ARHGAP28: variants seen among roughly 807,000 people sequenced by gnomAD.
The protein encoded by ARHGAP28 is Rho GTPase activating protein 28, also known as rho GTPase-activating protein 28.
A neutral mutation model predicts 90.7 loss-of-function variants in ARHGAP28; 56 were observed. The observed-to-expected ratio is 0.62, with a 90% confidence interval of 0.50 to 0.77. ARHGAP28 has a LOEUF of 0.77. Ranked by LOEUF, ARHGAP28 falls within the 30% of genes least tolerant of loss-of-function variation. The pLI is 0.00. For missense variants in ARHGAP28, 869 were observed against 900.9 expected (o/e 0.96, Z 0.45); for synonymous variants, 308 against 323.3 (o/e 0.95, Z 0.51).
chr18:6,751,422 C>G (rs61585215), intron 1 of ARHGAP28, among the ~76,000 whole-genome samples: 9,714 of 152,004 alleles, frequency 0.064, 998 homozygotes, highest in African/African-American at 0.21. Context: ...CATTGTGAGG[C>G]CATCGCTCTT....
chr18:6,887,869 G>A lies in ARHGAP28; in HGVS notation c.1536+630G>A, dbSNP rs1031805546. ...ATAGAACAATGTCATAAGTCAATAAGACCATTATGTAACTTGTAAAATAGA... is the reference window on the plus strand; with the variant it reads ...ATAGAACAATGTCATAAGTCAATAAAACCATTATGTAACTTGTAAAATAGA... On this transcript the variant is annotated intron_variant, in intron 12 of 17. Transcript: ENST00000383472. 4.6e-5 allele frequency among the ~76,000 whole-genome samples: 7 copies of A among 152,288 alleles called. No homozygotes were observed. The East Asian group carries it at 1.2e-3, about 25-fold the overall frequency.
intron 3 of ARHGAP28, among the ~76,000 whole-genome samples, chr18:6,841,208 C>CCTCTCTCTCTCT (rs369622522): frequency 1.4e-4 from 6 of 43,136 alleles, no homozygotes; most frequent in Admixed American, 5.7e-4. Flanking sequence ...TCTCTCCTCT[C>CCTCTCTCTCTCT]CTCTCTCTCT....
chr18:6,744,691 T>G (rs1248921087), intron 1 of ARHGAP28, among the ~76,000 whole-genome samples: 2 of 152,168 alleles, frequency 1.3e-5, no homozygotes, highest in South Asian at 2.1e-4. Context: ...GCTACCTAAG[T>G]CCAGATAATA....
intron 1 of ARHGAP28, among the ~76,000 whole-genome samples, chr18:6,817,165 T>C (rs957217061): frequency 6.7e-5 from 10 of 150,100 alleles, no homozygotes; most frequent in Admixed American, 1.3e-4. Context: ...AAAACAAAAA[T>C]TAGCTGGGCA....
At chr18:6,771,054 T>C (rs1007627443) in intron 1 of ARHGAP28, among the ~76,000 whole-genome samples, 10 of 152,108 alleles carry the variant, frequency 6.6e-5, no homozygotes, top group Non-Finnish European at 4.4e-5. Flanking sequence ...TTTTTATTTT[T>C]GAGACAGGGT....
intron 1 of ARHGAP28, among the ~76,000 whole-genome samples, chr18:6,737,129 A>G (rs1600139625): frequency 6.6e-6 from 1 of 152,346 alleles, no homozygotes; most frequent in East Asian, 1.9e-4. Context: ...GAAGAGGTAA[A>G]TGGAATGTTT....
intron 1 of ARHGAP28, among the ~76,000 whole-genome samples, chr18:6,751,524 CAT>C (rs889383086): frequency 6.6e-6 from 1 of 152,140 alleles, no homozygotes; most frequent in Non-Finnish European, 1.5e-5. Flanking sequence ...GATCAGAAAA[CAT>C]AATTTTAAAG....
intron 1 of ARHGAP28, among the ~76,000 whole-genome samples, chr18:6,752,804 C>G (rs572432131): frequency 6.6e-6 from 1 of 152,210 alleles, no homozygotes; most frequent in East Asian, 1.9e-4. Context: ...CTCTGACCAC[C>G]CCTGGTCACA....
rs1567977938 is a variant in ARHGAP28, at chr18:6,873,554, C to T, written c.1100C>T (p.Thr367Ile). The T allele has an allele frequency of 5.6e-6, 9 of 1,613,472 alleles. No individual in the cohort carries two copies. Among genetic ancestry groups the T allele is most frequent in the Non-Finnish European group, 7.6e-6 (9 of 1,179,902 alleles). The change falls in exon 8 of 18, where the codon ACA becomes ATA. Residue 367 changes from threonine (T) to isoleucine (I), a missense_variant. Physicochemically the swap from Thr to Ile is moderately conservative, Grantham distance 89. Transcript: ENST00000383472. ...GGAATTCAACTGAAAAGGAACAAAA[C>T]AGAGAAAGTAAAAGGACGAGGTAAC... ...AFGIQLKRNK[T>I]EKVKGRDNGI...
chr18:6,891,017 G>A (rs2143730328), intron 14 of ARHGAP28, among the ~76,000 whole-genome samples: 1 of 152,324 alleles, frequency 6.6e-6, no homozygotes, highest in African/African-American at 2.4e-5. Context: ...TATTTGTGTG[G>A]AGGCACATAA....
intron 7 of ARHGAP28, among the ~76,000 whole-genome samples, chr18:6,871,068 G>A (rs2057084285): frequency 6.6e-6 from 1 of 152,230 alleles, no homozygotes; most frequent in South Asian, 2.1e-4. Context: ...TCAAAGTGCT[G>A]GGATTACAGG....
chr18:6,857,625 C>T (rs924855829), intron 4 of ARHGAP28, among the ~76,000 whole-genome samples: 1 of 152,136 alleles, frequency 6.6e-6, no homozygotes, highest in African/African-American at 2.4e-5. Flanking sequence ...TTGTCCTCCT[C>T]CCCAGCCCCT....
intron 2 of ARHGAP28, among the ~76,000 whole-genome samples, chr18:6,829,356 C>G (rs953910336): frequency 2.6e-5 from 4 of 152,184 alleles, no homozygotes; most frequent in Non-Finnish European, 1.5e-5. Context: ...GTTTGTAACT[C>G]TCTTCTCCAA....
intron 1 of ARHGAP28, among the ~76,000 whole-genome samples, chr18:6,758,764 T>C (rs1270645234): frequency 6.6e-6 from 1 of 152,198 alleles, no homozygotes; most frequent in Non-Finnish European, 1.5e-5. Context: ...TTTATGGTAT[T>C]TATGATTTTT....
At chr18:6,741,620 T>C (rs1054834948) in intron 1 of ARHGAP28, among the ~76,000 whole-genome samples, 2 of 152,018 alleles carry the variant, frequency 1.3e-5, no homozygotes, top group African/African-American at 4.8e-5. Context: ...AAAGTTCTCA[T>C]TGTGGGAGTT....
At chr18:6,869,137 C>G (rs113698800) in intron 6 of ARHGAP28, among the ~76,000 whole-genome samples, 77 of 152,146 alleles carry the variant, frequency 5.1e-4, no homozygotes, top group African/African-American at 1.8e-3. Flanking sequence ...TTGCTGCTCT[C>G]CAAAGAGGCT....
intron 13 of ARHGAP28, 149 bp from the exon 14 acceptor site, chr18:6,890,281 A>G (rs1004290618): frequency 9.0e-6 from 7 of 777,760 alleles, no homozygotes; most frequent in Non-Finnish European, 1.4e-5. Context: ...GATCCACATA[A>G]TTTTTTCTAA....
chr18:6,874,276 A>G (rs1171944399), intron 9 of ARHGAP28, among the ~76,000 whole-genome samples: 1 of 152,230 alleles, frequency 6.6e-6, no homozygotes, highest in African/African-American at 2.4e-5. Context: ...AATAAAATCT[A>G]AAAACCAGCA....
Position 6,913,625 on chromosome 18 carries a change from C to G in ARHGAP28, c.*1471C>G, listed in dbSNP as rs918046334. ...ATTTGTAGAAGAAATCTTGTATATA[C>G]TATTATTACACCTTGATATCTATAC... On this transcript the variant is annotated 3_prime_UTR_variant, in exon 18 of 18. Transcript: ENST00000383472. The G allele has an allele frequency of 2.0e-5, 1 of 50,676 alleles. No homozygotes were observed. Among genetic ancestry groups the G allele is most frequent in the Non-Finnish European group, 5.7e-5 (1 of 17,692 alleles). The allele number at this position is 50,676 out of a possible 1,614,324, so 3.1% of individuals were successfully genotyped here. A position where few individuals can be genotyped will look rare whatever the true frequency, so the allele number is the denominator to read the frequency against.
Sources: allele counts gnomAD v4.1 joint callset (sites outside exome capture counted in the v4.1 genomes callset), GRCh38; gene constraint gnomAD v4.1.1; transcripts MANE v1.5; gene names NCBI Gene and HGNC (gene_info 2026-07-23, HGNC 2026-07-21).